The following ULK4 variants were observed in gnomAD, a reference collection of about 807,000 sequenced individuals.
ULK4 encodes inactive serine/threonine-protein kinase ULK4.
Under a neutral mutation model 160.6 loss-of-function variants are expected in ULK4, and 133 were observed. The observed-to-expected ratio is 0.83, with a 90% CI of 0.72 to 0.96. ULK4 has a LOEUF of 0.96. Ranked by LOEUF, ULK4 falls within the 40% of genes least tolerant of loss-of-function variation. ULK4 has a pLI of 0.00. For synonymous variants in ULK4, 534 were observed against 539.8 expected (o/e 0.99, Z 0.15); for missense variants, 1,580 against 1,499.5 (o/e 1.05, Z -0.89).
chr3:41,617,333 T>C (rs2033026066), intron 30 of ULK4, among the ~76,000 whole-genome samples: 1 of 152,208 alleles, frequency 6.6e-6, no homozygotes, highest in African/African-American at 2.4e-5. Context: ...GGGAGAAACC[T>C]CCCAACAGGG....
intron 35 of ULK4, among the ~76,000 whole-genome samples, chr3:41,307,581 A>G (rs1378522420): frequency 6.6e-6 from 1 of 152,146 alleles, no homozygotes; most frequent in African/African-American, 2.4e-5. Flanking sequence ...TAATCCAAGC[A>G]CTTTAGGAGC....
intron 30 of ULK4, among the ~76,000 whole-genome samples, chr3:41,617,675 C>A (rs1266070461): frequency 6.6e-6 from 1 of 152,168 alleles, no homozygotes; most frequent in African/African-American, 2.4e-5. Context: ...AAAGTCAGCA[C>A]AAAAATGCTG....
intron 32 of ULK4, among the ~76,000 whole-genome samples, chr3:41,484,586 G>A (rs1294687779): frequency 1.3e-5 from 2 of 152,006 alleles, no homozygotes; most frequent in African/African-American, 4.8e-5. Flanking sequence ...CGGAGTAGCT[G>A]GGACTACAGG....
At chr3:41,259,975 C>T (rs1006578058) in intron 35 of ULK4, 1 of 152,174 alleles carries the variant, frequency 6.6e-6, no homozygotes, top group Non-Finnish European at 1.5e-5. Context: ...ACACTTCACA[C>T]AGGGGAGGAT....
At chr3:41,803,820 AT>A in intron 19 of ULK4, among the ~76,000 whole-genome samples, 1 of 152,212 alleles carries the variant, frequency 6.6e-6, no homozygotes, top group South Asian at 2.1e-4. Flanking sequence ...TGAACTCATC[AT>A]TTTTTATGGC....
At position 41,789,912 on chromosome 3, in the gene ULK4, A is replaced by C. The variant is rs988649880; in HGVS notation, c.2011-69T>G. 8.9e-6 allele frequency: 12 copies of C among 1,353,734 alleles called. No individual in the cohort carries two copies. In the Admixed American group the frequency reaches 3.0e-4, roughly 34 times the overall value. 83.9% of individuals were successfully genotyped at this position (1,353,734 alleles called of 1,614,324 possible). ...ATCAATCATTCCCCTGAAAGGTAAC[A>C]CATGCTTCTGTGTCAAGGAGTAGAA... On this transcript the variant is annotated intron_variant, in intron 20 of 36. Coordinates refer to ENST00000301831, the MANE Select transcript of ULK4 (RefSeq NM_017886.4).
At chr3:41,770,083 G>C (rs568289928) in intron 21 of ULK4, among the ~76,000 whole-genome samples, 3 of 152,124 alleles carry the variant, frequency 2.0e-5, no homozygotes, top group East Asian at 1.9e-4. Context: ...GTCTTTCAGA[G>C]AACACACATT....
chr3:41,651,249 T>C (rs75080902), intron 30 of ULK4, among the ~76,000 whole-genome samples: 4,623 of 152,244 alleles, frequency 0.03, 241 homozygotes, highest in African/African-American at 0.1. Context: ...TTTTAAATAC[T>C]GCAGCTAGCA....
chr3:41,686,020 T>C (rs1158140610), intron 27 of ULK4, among the ~76,000 whole-genome samples: 1 of 152,180 alleles, frequency 6.6e-6, no homozygotes, highest in Admixed American at 6.5e-5. Flanking sequence ...TAAATGTATA[T>C]CTGCATATAT....
At chr3:41,450,623 C>T (rs779099473) in intron 34 of ULK4, among the ~76,000 whole-genome samples, 4 of 152,200 alleles carry the variant, frequency 2.6e-5, no homozygotes, top group Non-Finnish European at 5.9e-5. Flanking sequence ...CAGATGAAAA[C>T]TGAAAGTGTG....
At chr3:41,830,838 G>A (rs1417286070) in intron 18 of ULK4, among the ~76,000 whole-genome samples, 3 of 151,744 alleles carry the variant, frequency 2.0e-5, no homozygotes, top group Admixed American at 1.3e-4. Context: ...TTTTCTCGGG[G>A]GGTATACAAA....
intron 27 of ULK4, among the ~76,000 whole-genome samples, chr3:41,702,606 G>C (rs991822342): frequency 1.3e-5 from 2 of 151,888 alleles, no homozygotes; most frequent in Non-Finnish European, 2.9e-5. Context: ...AGGAGGGTAA[G>C]GCAAAAAACA....
At chr3:41,786,288 T>G (rs879314517) in intron 21 of ULK4, among the ~76,000 whole-genome samples, 11 of 152,100 alleles carry the variant, frequency 7.2e-5, no homozygotes, top group Admixed American at 2.0e-4. Context: ...GATTCAGAGT[T>G]GAAAATCATT....
intron 27 of ULK4, among the ~76,000 whole-genome samples, chr3:41,690,547 G>A (rs1290627452): frequency 6.6e-6 from 1 of 151,004 alleles, no homozygotes; most frequent in Non-Finnish European, 1.5e-5. Context: ...TAACTTTTTG[G>A]CTTCTAGGCA....
intron 31 of ULK4, among the ~76,000 whole-genome samples, chr3:41,579,265 A>G (rs1010565396): frequency 3.9e-5 from 6 of 152,276 alleles, no homozygotes; most frequent in Non-Finnish European, 8.8e-5. Context: ...AATGAAAGAG[A>G]AAACCAGAAA....
chr3:41,949,317 C>G (rs531649195), intron 2 of ULK4, among the ~76,000 whole-genome samples: 18,814 of 148,944 alleles, frequency 0.13, 1,317 homozygotes, highest in Middle Eastern at 0.27. Flanking sequence ...CACACACAGA[C>G]ACACACACAC....
intron 32 of ULK4, among the ~76,000 whole-genome samples, chr3:41,464,384 G>A (rs2083773269): frequency 1.3e-5 from 2 of 152,130 alleles, no homozygotes; most frequent in Non-Finnish European, 2.9e-5. Flanking sequence ...TCACACAACT[G>A]CTAAGATGCT....
intron 2 of ULK4, among the ~76,000 whole-genome samples, chr3:41,950,569 T>C (rs1485695302): frequency 6.6e-6 from 1 of 151,794 alleles, no homozygotes; most frequent in Non-Finnish European, 1.5e-5. Context: ...TTGTATCTTT[T>C]GCAGGGACAC....
intron 18 of ULK4, among the ~76,000 whole-genome samples, chr3:41,825,695 A>C (rs985922241): frequency 3.3e-5 from 5 of 152,248 alleles, no homozygotes; most frequent in Non-Finnish European, 5.9e-5. Context: ...GGTGTACCTG[A>C]AAGTGACAGG....
Sources: allele counts gnomAD v4.1 joint callset (sites outside exome capture counted in the v4.1 genomes callset), GRCh38; gene constraint gnomAD v4.1.1; transcripts MANE v1.5; gene names NCBI Gene and HGNC (gene_info 2026-07-23, HGNC 2026-07-21).